Variants in TBCD observed in about 807,000 individuals in gnomAD.
TBCD encodes the protein tubulin-specific chaperone D.
TBCD carries 105 observed loss-of-function variants against 169.3 expected under a neutral mutation model. That is an observed-to-expected ratio of 0.62 (90% CI 0.53 to 0.73). TBCD has a LOEUF of 0.73. Ranked by LOEUF, TBCD falls within the 30% of genes least tolerant of loss-of-function variation. The pLI is 0.00. For synonymous variants in TBCD, 700 were observed against 643.9 expected (o/e 1.09, Z -1.32); for missense variants, 1,444 against 1,600.1 (o/e 0.90, Z 1.66).
rs1027990090 is a variant in TBCD, at chr17:82,830,603, G to C, written c.1318+15669G>C. On this transcript the variant is annotated intron_variant, in intron 13 of 38. Coordinates refer to ENST00000355528, the MANE Select transcript of TBCD (RefSeq NM_005993.5). ...GCAGCAGGTTCTGCAGCTCGTGGTC[G>C]ACCGGGGAAGGCAGGCCTCGGAGCC... 2.5e-6 allele frequency: 4 copies of C among 1,613,902 alleles called. No homozygotes were observed. In the African/African-American group the frequency reaches 5.3e-5, roughly 22 times the overall value.
chr17:82,774,615 GACT>G, intron 6 of TBCD, among the ~76,000 whole-genome samples: 1 of 152,132 alleles, frequency 6.6e-6, no homozygotes, highest in Admixed American at 6.5e-5. Flanking sequence ...TCACTTCCCA[GACT>G]TGGCGGCCGG....
intron 13 of TBCD, among the ~76,000 whole-genome samples, chr17:82,853,513 T>G (rs8068980): frequency 6.6e-6 from 1 of 152,028 alleles, no homozygotes; most frequent in South Asian, 2.1e-4. Context: ...ATCCATCCCC[T>G]GACCTCAGCC....
intron 2 of TBCD, 111 bp from the exon 3 acceptor site, chr17:82,763,854 C>G: frequency 2.4e-6 from 2 of 825,020 alleles, no homozygotes; most frequent in Non-Finnish European, 4.0e-6. Context: ...ATCCTCCCAC[C>G]TTGGTCTCCC....
Position 82,870,363 on chromosome 17 carries a change from T to C in TBCD, c.1458T>C (p.Phe486=), listed in dbSNP as rs548908087. ...ATGAGCCTCAGGAGCTGAAGCCCTT[T>C]GTGACTGCAATCTCGAGGTAGGCCC... ...RAYEPQELKP[F]VTAISSALVI... The change falls in exon 14 of 39, where the codon TTT becomes TTC. Residue 486 remains phenylalanine, a synonymous_variant. Coordinates refer to ENST00000355528, the MANE Select transcript of TBCD (RefSeq NM_005993.5). 9.3e-6 allele frequency: 15 copies of C among 1,613,098 alleles called. No individual in the cohort carries two copies. In the South Asian group the frequency reaches 1.5e-4, roughly 17 times the overall value.
rs749366340 is a variant in TBCD, at chr17:82,800,860, G to T, written c.818-4G>T. On this transcript the variant is annotated splice_region_variant and splice_polypyrimidine_tract_variant and intron_variant, in intron 8 of 38. Transcript: ENST00000355528. ...CCTGCGCTGAGTCCAGTTCTTGTTT[G>T]CAGCTGCCACTGTCCTCAGGTGCCT... 11 of 1,611,760 alleles carry T rather than the reference G, an allele frequency of 6.8e-6. No homozygotes were observed. The highest frequency in any genetic ancestry group is 9.3e-6 in the Non-Finnish European group (11 of 1,179,260).
At chr17:82,766,502 T>C (rs879204200) in intron 4 of TBCD, 134 bp downstream of exon 4, 1 of 543,612 alleles carries the variant, frequency 1.8e-6, no homozygotes, top group Admixed American at 3.8e-5. Flanking sequence ...CACTCCTCTT[T>C]TCTTTCTTTT....
At position 82,806,125 on chromosome 17, in the gene TBCD, C is replaced by A; in HGVS notation, c.1087+114C>A. The A allele has an allele frequency of 1.4e-6, 2 of 1,426,780 alleles. No individual in the cohort carries two copies. Among genetic ancestry groups the A allele is most frequent in the East Asian group, 4.9e-5 (2 of 40,460 alleles). 88.4% of individuals were successfully genotyped at this position (1,426,780 alleles called of 1,614,324 possible). A position where few individuals can be genotyped will look rare whatever the true frequency, so the allele number is the denominator to read the frequency against. ...CTGGTGCCGGCACTGTCTGGCCACC[C>A]GTCCCCTTCGCTGAGTGCACGGTCA... On this transcript the variant is annotated intron_variant, in intron 10 of 38. Coordinates refer to ENST00000355528, the MANE Select transcript of TBCD (RefSeq NM_005993.5). This position sits in a 1 kb window ranked among gnomAD's most constrained non-coding sequence, Gnocchi z 5.1.
Position 82,880,491 on chromosome 17 carries a change from C to G in TBCD, c.1476-3654C>G, listed in dbSNP as rs1364752532. Among the ~76,000 whole-genome samples the G allele has an allele frequency of 1.3e-5, 2 of 152,220 alleles. No individual in the cohort carries two copies. Among genetic ancestry groups the G allele is most frequent in the Non-Finnish European group, 2.9e-5 (2 of 68,038 alleles). ...ATTCTGCTGAAGACAAGGGTGGGGA[C>G]AGATATGCTGTGACCAGGGTAGTTG... On this transcript the variant is annotated intron_variant, in intron 14 of 38. Transcript: ENST00000355528. The surrounding 1 kb of genome is among the most constrained non-coding windows in gnomAD (Gnocchi z 5.0).
chr17:82,856,445 A>G (rs972006551), intron 13 of TBCD, among the ~76,000 whole-genome samples: 7 of 151,890 alleles, frequency 4.6e-5, no homozygotes, highest in African/African-American at 1.7e-4. Context: ...TGTCTCTACA[A>G]AGAAAAAAAG....
At chr17:82,867,627 A>G (rs1392598556) in intron 13 of TBCD, among the ~76,000 whole-genome samples, 1 of 152,232 alleles carries the variant, frequency 6.6e-6, no homozygotes, top group Non-Finnish European at 1.5e-5. Flanking sequence ...TTTGGGCGTC[A>G]CAGATTTGGT....
In TBCD at chr17:82,864,817, C is replaced by T. The variant is rs1196637276; in HGVS notation, c.1319-5407C>T. ...AGGAAGGGCTGGGATCACCACTCCC[C>T]GGGGCACCGTGGGGACAGCGGGGGC... is the stretch of plus-strand genomic sequence containing the variant. On this transcript the variant is annotated intron_variant, in intron 13 of 38. Coordinates refer to ENST00000355528, the MANE Select transcript of TBCD (RefSeq NM_005993.5). The surrounding 1 kb of genome is among the most constrained non-coding windows in gnomAD (Gnocchi z 6.3). Among the ~76,000 whole-genome samples, 2 of 106,354 alleles carry T rather than the reference C, an allele frequency of 1.9e-5. No homozygotes were observed. Among genetic ancestry groups the T allele is most frequent in the South Asian group, 4.9e-4 (2 of 4,106 alleles). The allele number at this position is 106,354 out of a possible 152,430, so 69.8% of individuals were successfully genotyped here. A position where few individuals can be genotyped will look rare whatever the true frequency, so the allele number is the denominator to read the frequency against.
Position 82,831,612 on chromosome 17 carries a change from C to G in TBCD, c.1318+16678C>G. ...GCCCCGGGTGAGGCAGGAAGTGTCT[C>G]GGGTCTTGGGTTCCGTAGACTGACA... On this transcript the variant is annotated intron_variant, in intron 13 of 38. Transcript: ENST00000355528. This position sits in a 1 kb window ranked among gnomAD's most constrained non-coding sequence, Gnocchi z 4.6. The G allele has an allele frequency of 6.2e-7, 1 of 1,614,108 alleles. No homozygotes were observed. The highest frequency in any genetic ancestry group is 8.5e-7 in the Non-Finnish European group (1 of 1,180,020).
chr17:82,877,805 T>G (rs765062880), intron 14 of TBCD, among the ~76,000 whole-genome samples: 29 of 152,228 alleles, frequency 1.9e-4, no homozygotes, highest in African/African-American at 1.7e-4. Context: ...TTTAAACCAG[T>G]ATTTTTCTCT....
chr17:82,894,665 A>G (rs527853446), intron 17 of TBCD, among the ~76,000 whole-genome samples: 1 of 152,262 alleles, frequency 6.6e-6, no homozygotes, highest in Admixed American at 6.5e-5. Flanking sequence ...GTTCTTTCCT[A>G]TTAATACTTG....
In TBCD at chr17:82,797,962, C is replaced by CTTTT. The variant is rs60671571; in HGVS notation, c.817+189_817+192dup. 3.7e-4 allele frequency among the ~76,000 whole-genome samples: 18 copies of CTTTT among 49,044 alleles called. 4 individuals are homozygous for CTTTT. Among genetic ancestry groups the CTTTT allele is most frequent in the African/African-American group, 6.7e-4 (9 of 13,448 alleles). 32.2% of individuals were successfully genotyped at this position (49,044 alleles called of 152,430 possible). A position where few individuals can be genotyped will look rare whatever the true frequency, so the allele number is the denominator to read the frequency against. ...TTTGTTGTGGGTTTTAGTAACTGAA[C>CTTTT]TTTTTTTTTTTTTTTTTTTTTTTTT... is the stretch of plus-strand genomic sequence containing the variant. On this transcript the variant is annotated intron_variant, in intron 8 of 38. Transcript: ENST00000355528.
chr17:82,766,335 T>G lies in TBCD; in HGVS notation c.402T>G (p.Asp134Glu). The G allele has an allele frequency of 6.2e-7, 1 of 1,613,336 alleles. No individual in the cohort carries two copies. Among genetic ancestry groups the G allele is most frequent in the Non-Finnish European group, 8.5e-7 (1 of 1,179,634 alleles). ...TTGCCGATGTAGAGCCTGTTTTAGA[T>G]TTGGTCACAATTCAGAATCCCAAGG... ...HEVADVEPVL[D>E]LVTIQNPKDH... Residue 134 changes from aspartate to glutamate, a missense_variant, in exon 4 of 39, where the codon GAT becomes GAG. Physicochemically the swap from Asp to Glu is conservative, Grantham distance 45 (BLOSUM62 2). Transcript: ENST00000355528.
Position 82,875,459 on chromosome 17 carries a change from G to A in TBCD, c.1475+5079G>A, listed in dbSNP as rs554061337. On this transcript the variant is annotated intron_variant, in intron 14 of 38. Transcript: ENST00000355528. The stretch of plus-strand genomic sequence containing the variant: ...TACGCTGCTGCTGCTGCCATTGTGT[G>A]TCCAGTGATTTCCTCACCTGAAACT... Among the ~76,000 whole-genome samples the A allele has an allele frequency of 6.6e-5, 10 of 152,246 alleles. No homozygotes were observed. The South Asian group carries it at 1.9e-3, about 28-fold the overall frequency.
At chr17:82,873,746 C>T (rs937421258) in intron 14 of TBCD, among the ~76,000 whole-genome samples, 8 of 152,070 alleles carry the variant, frequency 5.3e-5, no homozygotes, top group South Asian at 2.1e-4. Context: ...GCCGGCCGGT[C>T]GGTAGGTCCT....
intron 13 of TBCD, among the ~76,000 whole-genome samples, chr17:82,828,052 C>T (rs546279604): frequency 1.4e-4 from 21 of 151,344 alleles, no homozygotes; most frequent in African/African-American, 3.6e-4. Context: ...TATGCATACA[C>T]CCACAGATAC....
Sources: gnomAD v4.1 joint callset for allele counts (sites outside exome capture counted in the v4.1 genomes callset) on GRCh38, gnomAD v4.1.1 for gene constraint, Gnocchi (gnomAD v3.1) non-coding constraint, MANE v1.5 for transcripts, NCBI Gene and HGNC (gene_info 2026-07-23, HGNC 2026-07-21) for gene names.